CHDH: variants seen among roughly 807,000 people sequenced by gnomAD.
The protein encoded by CHDH is choline dehydrogenase, also known as choline dehydrogenase, mitochondrial.
A neutral mutation model predicts 56.9 loss-of-function variants in CHDH; 43 were observed. That is an observed-to-expected ratio of 0.76 (90% confidence interval 0.59 to 0.97). The LOEUF is 0.97. CHDH is among the 50% of genes least tolerant of loss of function. The pLI is 0.00. For synonymous variants in CHDH, 364 were observed against 348.5 expected (o/e 1.04, Z -0.50); for missense variants, 816 against 821.1 (o/e 0.99, Z 0.08).
In CHDH at chr3:53,833,452, G is replaced by A. The variant is rs1698402046; in HGVS notation, c.-60+7477C>T. On this transcript the variant is annotated intron_variant, in intron 2 of 8. Transcript: ENST00000315251. ...CTCAGGCCCGCAGGCTGGGTGGGTG[G>A]GCAGACTGACTGGTGTGAGGTAGGA... Among the ~76,000 whole-genome samples the A allele has an allele frequency of 2.6e-5, 4 of 152,188 alleles. No homozygotes were observed. The South Asian group carries it at 8.3e-4, about 31-fold the overall frequency.
rs896187788 is a variant in CHDH, at chr3:53,816,719, T to G, written c.*1058A>C. On this transcript the variant is annotated 3_prime_UTR_variant, in exon 9 of 9. Coordinates refer to ENST00000315251, the MANE Select transcript of CHDH (RefSeq NM_018397.5). ...GTACGTGGGGTTTGCTCTTGGTTTC[T>G]GCATTTCTTGGTAAAAGGAAAACCT... 3 of 152,232 alleles carry G rather than the reference T, an allele frequency of 2.0e-5. No individual in the cohort carries two copies. The highest frequency in any genetic ancestry group is 7.2e-5 in the African/African-American group (3 of 41,456). The allele number at this position is 152,232 out of a possible 1,614,324, so 9.4% of individuals were successfully genotyped here. A position where few individuals can be genotyped will look rare whatever the true frequency, so the allele number is the denominator to read the frequency against.
rs1380695590 is a variant in CHDH at position 53,817,953 on chromosome 3, C to T, written c.1609G>A (p.Val537Met). ...VVDPQTRVLG[V>M]ENLRVVDASI... ...GCATCGACGACCCTGAGGTTTTCCA[C>T]CCCGAGGACCCTTGTCTGCGGATCC... The change falls in exon 9 of 9, where the codon GTG becomes ATG. Residue 537 changes from valine (V) to methionine (M), a missense_variant. Transcript: ENST00000315251. The T allele has an allele frequency of 1.2e-6, 2 of 1,614,220 alleles. No individual in the cohort carries two copies. The highest frequency in any genetic ancestry group is 2.2e-5 in the East Asian group (1 of 44,880).
At position 53,819,705 on chromosome 3, in the gene CHDH, G is replaced by A. The variant is rs1380958672; in HGVS notation, c.1121-31C>T. 4 of 1,541,692 alleles carry A rather than the reference G, an allele frequency of 2.6e-6. No individual in the cohort carries two copies. The highest frequency in any genetic ancestry group is 3.5e-6 in the Non-Finnish European group (4 of 1,142,636). The stretch of plus-strand genomic sequence containing the variant: ...AAGCAGAAGAGGATGAGGCAGAAGA[G>A]CCAGTCAGGCCGTGGCAGGTGGGCC... On this transcript the variant is annotated intron_variant, in intron 6 of 8. Coordinates refer to ENST00000315251, the MANE Select transcript of CHDH (RefSeq NM_018397.5). The surrounding 1 kb of genome is among the most constrained non-coding windows in gnomAD (Gnocchi z 5.4).
chr3:53,823,346 C>T lies in CHDH; in HGVS notation c.663G>A (p.Gln221=). The change falls in exon 3 of 9, where the codon CAG becomes CAA. Residue 221 remains glutamine, a synonymous_variant. Coordinates refer to ENST00000315251, the MANE Select transcript of CHDH (RefSeq NM_018397.5). ...YPLTEDMNGF[Q]QEGFGWMDMT... ...TGTCCATCCAGCCGAAGCCCTCCTG[C>T]TGGAAGCCATTCATGTCCTCGGTGA... The T allele has an allele frequency of 6.3e-7, 1 of 1,597,720 alleles. No individual in the cohort carries two copies. The highest frequency in any genetic ancestry group is 8.5e-7 in the Non-Finnish European group (1 of 1,171,508).
chr3:53,822,442 G>A, intron 4 of CHDH, 49 bp downstream of exon 4: 2 of 1,553,388 alleles, frequency 1.3e-6, no homozygotes, highest in African/African-American at 2.7e-5. Flanking sequence ...GGACCACCAG[G>A]GTCACTGCCC....
intron 2 of CHDH, among the ~76,000 whole-genome samples, chr3:53,832,066 G>A (rs1698351730): frequency 6.6e-6 from 1 of 152,170 alleles, no homozygotes; most frequent in Non-Finnish European, 1.5e-5. Flanking sequence ...GTAGAAGACA[G>A]GTTAGCAGTT....
At chr3:53,840,778 A>T (rs1163106707) in intron 2 of CHDH, among the ~76,000 whole-genome samples, 151 bp downstream of exon 2, 1 of 152,228 alleles carries the variant, frequency 6.6e-6, no homozygotes, top group East Asian at 1.9e-4. Context: ...AAAGGTGGGA[A>T]CATCTCTGTG....
rs907908398 is a variant in CHDH, at chr3:53,813,890, T to C, written c.*3887A>G. On this transcript the variant is annotated 3_prime_UTR_variant, in exon 9 of 9. Coordinates refer to ENST00000315251, the MANE Select transcript of CHDH (RefSeq NM_018397.5). ...AGTTTCTTTAGTCTTATGTTTTTCA[T>C]AATCTCACAAAATGTAAATGGCAGC... 1 of 152,250 alleles carries C rather than the reference T, an allele frequency of 6.6e-6. No individual in the cohort carries two copies. The highest frequency in any genetic ancestry group is 1.5e-5 in the Non-Finnish European group (1 of 68,040). The allele number at this position is 152,250 out of a possible 1,614,324, so 9.4% of individuals were successfully genotyped here.
rs2095634098 is a variant in CHDH at position 53,823,973 on chromosome 3, TCCAGGCCGGC to T, written c.26_35del (p.Gly9GlufsTer206). The T allele has an allele frequency of 4.6e-6, 7 of 1,513,616 alleles. No individual in the cohort carries two copies. Among genetic ancestry groups the T allele is most frequent in the Non-Finnish European group, 5.3e-6 (6 of 1,139,858 alleles). 93.8% of individuals were successfully genotyped at this position (1,513,616 alleles called of 1,614,324 possible). A position where few individuals can be genotyped will look rare whatever the true frequency, so the allele number is the denominator to read the frequency against. ...GCCCCAGGGCTCCCCGTGCCAGGGC[TCCAGGCCGGC>T]CCAGGCCTCGTAGGAGACACCACAT... On this transcript the variant is annotated frameshift_variant, in exon 3 of 9. Transcript: ENST00000315251. LOFTEE classifies it high-confidence loss of function.
chr3:53,823,967 C>T lies in CHDH; in HGVS notation c.42G>A (p.Leu14=). 6.6e-7 allele frequency: 1 copy of T among 1,516,182 alleles called. No individual in the cohort carries two copies. Among genetic ancestry groups the T allele is most frequent in the Non-Finnish European group, 8.8e-7 (1 of 1,140,092 alleles). The allele number at this position is 1,516,182 out of a possible 1,614,324, so 93.9% of individuals were successfully genotyped here. The change falls in exon 3 of 9, where the codon CTG becomes CTA. Residue 14 remains leucine (L), a synonymous_variant. Coordinates refer to ENST00000315251, the MANE Select transcript of CHDH (RefSeq NM_018397.5). ...LLRGLGRPGA[L]ARGALGQQQS... ...GCTGCTGCCCCAGGGCTCCCCGTGCCAGGGCTCCAGGCCGGCCCAGGCCTC... is the reference window on the plus strand; with the variant it reads ...GCTGCTGCCCCAGGGCTCCCCGTGCTAGGGCTCCAGGCCGGCCCAGGCCTC...
At chr3:53,833,471 G>A (rs1698402884) in intron 2 of CHDH, among the ~76,000 whole-genome samples, 1 of 152,214 alleles carries the variant, frequency 6.6e-6, no homozygotes, top group Admixed American at 6.5e-5. Flanking sequence ...ACTGGTGTGA[G>A]GTAGGAGTTC....
Position 53,846,372 on chromosome 3 carries a change from C to G in CHDH, c.-420G>C. The G allele has an allele frequency of 2.1e-6, 1 of 477,504 alleles. No individual in the cohort carries two copies. The highest frequency in any genetic ancestry group is 3.6e-6 in the Non-Finnish European group (1 of 278,040). The allele number at this position is 477,504 out of a possible 1,614,324, so 29.6% of individuals were successfully genotyped here. A position where few individuals can be genotyped will look rare whatever the true frequency, so the allele number is the denominator to read the frequency against. Reference sequence around the variant, plus strand: ...GGCGCGCGCCGCGGCGGCCCGTGCTCCGCCAGCGCTCGGACACGGCCCATC... The same window carrying G: ...GGCGCGCGCCGCGGCGGCCCGTGCTGCGCCAGCGCTCGGACACGGCCCATC... On this transcript the variant is annotated 5_prime_UTR_variant, in exon 1 of 9. Coordinates refer to ENST00000315251, the MANE Select transcript of CHDH (RefSeq NM_018397.5).
Position 53,817,977 on chromosome 3 carries a change from C to A in CHDH, c.1585G>T (p.Asp529Tyr), listed in dbSNP as rs772633198. ...GQPSDPTAVV[D>Y]PQTRVLGVEN... ...ACCCCGAGGACCCTTGTCTGCGGAT[C>A]CACCACGGCAGTGGGATCGGAGGGC... Residue 529 changes from aspartate to tyrosine, a missense_variant, in exon 9 of 9, where the codon GAT becomes TAT. By Grantham distance (160) the Asp-to-Tyr change is radical. Transcript: ENST00000315251. 5 of 1,614,082 alleles carry A rather than the reference C, an allele frequency of 3.1e-6. No homozygotes were observed. The highest frequency in any genetic ancestry group is 3.4e-6 in the Non-Finnish European group (4 of 1,180,058).
rs944422168 is a variant in CHDH at position 53,823,161 on chromosome 3, C to T, written c.703+145G>A. ...TGTACTCTTGGAGGGGTATACTAAG[C>T]CAGATCTCTTCCCGGTCGTGCCAGC... On this transcript the variant is annotated intron_variant, in intron 3 of 8. Transcript: ENST00000315251. The T allele has an allele frequency of 1.9e-5, 14 of 747,532 alleles. No homozygotes were observed. The Admixed American group carries it at 3.2e-4, about 17-fold the overall frequency. The allele number at this position is 747,532 out of a possible 1,614,324, so 46.3% of individuals were successfully genotyped here.
chr3:53,822,609 T>A lies in CHDH; in HGVS notation c.737A>T (p.His246Leu). The change falls in exon 4 of 9, where the codon CAC becomes CTC. Residue 246 changes from histidine (H) to leucine (L), a missense_variant. Physicochemically the swap from His to Leu is moderately conservative, Grantham distance 99. Coordinates refer to ENST00000315251, the MANE Select transcript of CHDH (RefSeq NM_018397.5). ...KRWSAACAYL[H>L]PALSRTNLKA... is the part of the protein sequence containing the mutation. ...GAGGTTGGTGCGGCTCAGTGCTGGGTGCAGGTAGGCACAGGCCGCGCTCCA... is the reference window on the plus strand; with the variant it reads ...GAGGTTGGTGCGGCTCAGTGCTGGGAGCAGGTAGGCACAGGCCGCGCTCCA... 6.2e-7 allele frequency: 1 copy of A among 1,611,908 alleles called. No homozygotes were observed. The highest frequency in any genetic ancestry group is 8.5e-7 in the Non-Finnish European group (1 of 1,179,952).
At position 53,819,067 on chromosome 3, in the gene CHDH, C is replaced by T. The variant is rs774761477; in HGVS notation, c.1264-27G>A. 5.0e-5 allele frequency: 75 copies of T among 1,496,910 alleles called. No individual in the cohort carries two copies. Among genetic ancestry groups the T allele is most frequent in the Non-Finnish European group, 6.3e-5 (68 of 1,077,610 alleles). The allele number at this position is 1,496,910 out of a possible 1,614,324, so 92.7% of individuals were successfully genotyped here. On this transcript the variant is annotated intron_variant, in intron 7 of 8. Transcript: ENST00000315251. The surrounding 1 kb of genome is among the most constrained non-coding windows in gnomAD (Gnocchi z 5.4). ...TAGAAGAACACAGAGGAAGCAGTGA[C>T]GGTCCCTCCATAGACATCCACAGTG... is the stretch of plus-strand genomic sequence containing the variant.
At chr3:53,821,882 G>T in intron 4 of CHDH, 106 bp from the exon 5 acceptor site, 2 of 1,422,688 alleles carry the variant, frequency 1.4e-6, no homozygotes, top group Non-Finnish European at 1.9e-6. Flanking sequence ...GCCTTGGGAT[G>T]TAGAATCCTG....
rs150838876 is a variant in CHDH at position 53,835,323 on chromosome 3, AAGCTC to A, written c.-60+5601_-60+5605del. Among the ~76,000 whole-genome samples, 765 of 152,320 alleles carry A rather than the reference AAGCTC, an allele frequency of 5.0e-3. 10 individuals carry two copies. The highest frequency in any genetic ancestry group is 0.036 in the East Asian group (185 of 5,182). On this transcript the variant is annotated intron_variant, in intron 2 of 8. Transcript: ENST00000315251. ...ACAAGGCTCAGGTAGGCCTAGCACAAAGCTCAGCTACTCATGAGCTTCAAAGCCCA... is the reference window on the plus strand; with the variant it reads ...ACAAGGCTCAGGTAGGCCTAGCACAAAGCTACTCATGAGCTTCAAAGCCCA...
chr3:53,825,461 A>G (rs1164406642), intron 2 of CHDH, among the ~76,000 whole-genome samples: 1 of 152,244 alleles, frequency 6.6e-6, no homozygotes, highest in African/African-American at 2.4e-5. Flanking sequence ...AGAAAAAAAT[A>G]CAATGTTAGA....
Sources: allele counts gnomAD v4.1 joint callset (sites outside exome capture counted in the v4.1 genomes callset), GRCh38; gene constraint gnomAD v4.1.1; non-coding constraint Gnocchi (gnomAD v3.1); transcripts MANE v1.5; gene names NCBI Gene and HGNC (gene_info 2026-07-23, HGNC 2026-07-21).